Variants in CCNY observed in about 807,000 individuals in gnomAD.
CCNY encodes the protein cyclin Y.
Under a neutral mutation model 42.8 loss-of-function variants are expected in CCNY, and 19 were observed. That is an observed-to-expected ratio of 0.44 (90% CI 0.31 to 0.65). CCNY has a LOEUF of 0.65. CCNY is among the 30% of genes least tolerant of loss of function. The probability of loss-of-function intolerance (pLI) is 0.07; values close to 1 mark genes in which losing one functional copy is unlikely to be tolerated. For synonymous variants in CCNY, 165 were observed against 162.7 expected (o/e 1.01, Z -0.11); for missense variants, 370 against 437.3 (o/e 0.85, Z 1.37).
chr10:35,398,390 T>A (rs1837570995), intron 1 of CCNY, among the ~76,000 whole-genome samples: 1 of 152,240 alleles, frequency 6.6e-6, no homozygotes, highest in Non-Finnish European at 1.5e-5. Flanking sequence ...CGTGTCCTTT[T>A]GCATGGCGGA....
chr10:35,288,410 G>A (rs1835377918), intron 3 of CCNY, among the ~76,000 whole-genome samples: 2 of 152,028 alleles, frequency 1.3e-5, no homozygotes, highest in Non-Finnish European at 2.9e-5. Context: ...TTCTAGAAAT[G>A]AATAATTTGT....
intron 3 of CCNY, among the ~76,000 whole-genome samples, chr10:35,293,101 T>C (rs900150828): frequency 6.6e-6 from 1 of 152,196 alleles, no homozygotes; most frequent in African/African-American, 2.4e-5. Context: ...AAGAGTTTTA[T>C]AGTTTTAGCT....
At chr10:35,559,992 T>G (rs1359679224) in intron 8 of CCNY, among the ~76,000 whole-genome samples, 1 of 151,816 alleles carries the variant, frequency 6.6e-6, no homozygotes, top group Admixed American at 6.5e-5. Flanking sequence ...TTCTGAGTTT[T>G]CTTTCTTTTG....
intron 1 of CCNY, among the ~76,000 whole-genome samples, chr10:35,472,126 G>A (rs1321857407): frequency 6.6e-6 from 1 of 152,070 alleles, no homozygotes; most frequent in African/African-American, 2.4e-5. Context: ...TTATTTCTGG[G>A]GACCCTATTG....
intron 4 of CCNY, among the ~76,000 whole-genome samples, chr10:35,521,814 A>T (rs549747431): frequency 5.3e-5 from 8 of 152,196 alleles, no homozygotes; most frequent in African/African-American, 9.6e-5. Flanking sequence ...CTCCACCTGG[A>T]TGGAAGGACA....
chr10:35,466,799 G>A (rs972068161), intron 1 of CCNY, among the ~76,000 whole-genome samples: 1 of 152,180 alleles, frequency 6.6e-6, no homozygotes, highest in African/African-American at 2.4e-5. Flanking sequence ...TAGAGACAGG[G>A]TCTCGCTCTG....
chr10:35,477,053 C>T (rs1025307380), intron 1 of CCNY, among the ~76,000 whole-genome samples: 1 of 152,148 alleles, frequency 6.6e-6, no homozygotes, highest in Admixed American at 6.5e-5. Context: ...TGGATAAATT[C>T]CTGGACACAT....
At chr10:35,317,322 C>T (rs1017949136) in intron 3 of CCNY, among the ~76,000 whole-genome samples, 1 of 152,158 alleles carries the variant, frequency 6.6e-6, no homozygotes, top group Non-Finnish European at 1.5e-5. Flanking sequence ...ACACTCTGCA[C>T]CAGGTCCTAT....
At chr10:35,378,252 A>G (rs1228186564) in intron 1 of CCNY, among the ~76,000 whole-genome samples, 1 of 152,152 alleles carries the variant, frequency 6.6e-6, no homozygotes, top group Non-Finnish European at 1.5e-5. Context: ...CTAAAATCAC[A>G]TTTGCTAATA....
At chr10:35,525,935 C>T in intron 4 of CCNY, 29 bp from the exon 5 acceptor site, 1 of 1,606,462 alleles carries the variant, frequency 6.2e-7, no homozygotes. Context: ...TGCTCATGGA[C>T]ACTGAACCTC....
intron 3 of CCNY, among the ~76,000 whole-genome samples, chr10:35,292,191 T>G (rs186035149): frequency 6.6e-6 from 1 of 152,292 alleles, no homozygotes; most frequent in Admixed American, 6.5e-5. Flanking sequence ...TTGCCCATTT[T>G]TACTTGGATG....
intron 1 of CCNY, among the ~76,000 whole-genome samples, chr10:35,440,440 G>A (rs1037374130): frequency 6.6e-6 from 1 of 152,212 alleles, no homozygotes; most frequent in Non-Finnish European, 1.5e-5. Flanking sequence ...AAGCGTAGAT[G>A]AGATGTAAGA....
chr10:35,252,384 T>C (rs2095712559), intron 3 of CCNY, among the ~76,000 whole-genome samples: 6 of 151,830 alleles, frequency 4.0e-5, no homozygotes. Context: ...GCTAACATGG[T>C]GAAACCCCGT....
chr10:35,506,921 G>T (rs541196454), intron 3 of CCNY, among the ~76,000 whole-genome samples: 1 of 152,156 alleles, frequency 6.6e-6, no homozygotes, highest in Non-Finnish European at 1.5e-5. Flanking sequence ...TGCTACATGT[G>T]GGGAAGGAGC....
At chr10:35,553,207 G>T (rs776038975) in intron 8 of CCNY, 22 bp downstream of exon 8, 13 of 1,611,098 alleles carry the variant, frequency 8.1e-6, no homozygotes, top group Admixed American at 3.3e-5. Context: ...GGCAGAGGGT[G>T]TTGGTCATCA....
In CCNY at chr10:35,292,116, C is replaced by T. The variant is rs115765685; in HGVS notation, c.-9+41490C>T. Among the ~76,000 whole-genome samples the T allele has an allele frequency of 4.6e-3, 707 of 152,202 alleles. 3 individuals carry two copies. Among genetic ancestry groups the T allele is most frequent in the African/African-American group, 0.015 (620 of 41,532 alleles). On this transcript the variant is annotated intron_variant, in intron 3 of 11. Coordinates refer to the CCNY transcript ENST00000374706. ...TGGTTTGCATCTCCTTGACAGCTAACGGTGTTGCATCTTTTCATGGTTTAT... is the reference window on the plus strand; with the variant it reads ...TGGTTTGCATCTCCTTGACAGCTAATGGTGTTGCATCTTTTCATGGTTTAT...
At chr10:35,557,295 T>G (rs1221404221) in intron 8 of CCNY, among the ~76,000 whole-genome samples, 2 of 152,194 alleles carry the variant, frequency 1.3e-5, no homozygotes, top group African/African-American at 2.4e-5. Flanking sequence ...TTGAACTCAT[T>G]ATTTTCTTTC....
At chr10:35,499,112 T>A (rs1840059756) in intron 2 of CCNY, among the ~76,000 whole-genome samples, 2 of 151,954 alleles carry the variant, frequency 1.3e-5, no homozygotes, top group Non-Finnish European at 2.9e-5. Context: ...TATTCTTCTG[T>A]GTCTGCTGTA....
intron 1 of CCNY, among the ~76,000 whole-genome samples, chr10:35,347,713 C>T (rs1217689071): frequency 6.6e-6 from 1 of 152,040 alleles, no homozygotes; most frequent in Non-Finnish European, 1.5e-5. Context: ...GAAAAGATTT[C>T]ACTCCAAATT....
Sources: gnomAD v4.1 joint callset for allele counts (sites outside exome capture counted in the v4.1 genomes callset) on GRCh38, gnomAD v4.1.1 for gene constraint, MANE v1.5 for transcripts, NCBI Gene and HGNC (gene_info 2026-07-23, HGNC 2026-07-21) for gene names.